Variants in TEX15 observed in about 807,000 individuals in gnomAD.
The protein encoded by TEX15 is testis expressed 15, meiosis and synapsis associated, also known as testis-expressed protein 15.
TEX15 carries 171 observed loss-of-function variants against 237.3 expected under a neutral mutation model. That is an observed-to-expected ratio of 0.72 (90% confidence interval 0.64 to 0.82). The LOEUF (loss-of-function observed/expected upper bound fraction) is 0.82. TEX15 is among the 40% of genes least tolerant of loss of function. The pLI, the probability that TEX15 is intolerant of heterozygous loss-of-function variation, is 0.00. For missense variants in TEX15, 3,750 were observed against 3,646.5 expected (o/e 1.03, Z -0.73); for synonymous variants, 1,338 against 1,269.8 (o/e 1.05, Z -1.14).
intron 5 of TEX15, among the ~76,000 whole-genome samples, chr8:30,865,626 G>T (rs536215918): frequency 6.6e-6 from 1 of 152,076 alleles, no homozygotes; most frequent in Non-Finnish European, 1.5e-5. Flanking sequence ...TCATACCAGC[G>T]ATGCAAGGAT....
chr8:30,849,975 T>C (rs150990039), intron 7 of TEX15, among the ~76,000 whole-genome samples: 1 of 152,178 alleles, frequency 6.6e-6, no homozygotes, highest in Admixed American at 6.5e-5. Flanking sequence ...AACAGCTCTC[T>C]TATATTAATT....
rs1807653800 is a variant in TEX15, at chr8:30,847,686, A to T, written c.2481T>A (p.Thr827=). The T allele has an allele frequency of 6.2e-7, 1 of 1,613,840 alleles. No individual in the cohort carries two copies. The highest frequency in any genetic ancestry group is 1.1e-5 in the South Asian group (1 of 91,076). ...CCTGACCCCTATCTTCAACATAAGCAGTTTCTTTATAGTCTCTCTGAATGT... is the reference window on the plus strand; with the variant it reads ...CCTGACCCCTATCTTCAACATAAGCTGTTTCTTTATAGTCTCTCTGAATGT... ...LENIQRDYKE[T]AYVEDRGQDH... Residue 827 remains threonine, a synonymous_variant, in exon 8 of 11, where the codon ACT becomes ACA. Coordinates refer to ENST00000643185, the MANE Select transcript of TEX15 (RefSeq NM_001350162.2).
chr8:30,887,445 T>A, intron 2 of TEX15, 134 bp from the exon 3 acceptor site: 1 of 889,544 alleles, frequency 1.1e-6, no homozygotes, highest in Non-Finnish European at 1.6e-6. Flanking sequence ...AAAGTTTCCA[T>A]CTCAATTTGC....
At chr8:30,862,011 G>A (rs1419228103) in intron 5 of TEX15, among the ~76,000 whole-genome samples, 1 of 152,026 alleles carries the variant, frequency 6.6e-6, no homozygotes, top group African/African-American at 2.4e-5. Flanking sequence ...ATAATATATA[G>A]GTTTACTGAG....
intron 1 of TEX15, among the ~76,000 whole-genome samples, chr8:30,905,734 C>CAAAAAAAAAAAA (rs34079195): frequency 4.1e-4 from 21 of 50,968 alleles, no homozygotes; most frequent in African/African-American, 1.0e-3. Flanking sequence ...ACAAAAAATA[C>CAAAAAAAAAAAA]AAAAAAAAAA....
chr8:30,886,194 C>T (rs1808642004), intron 3 of TEX15, among the ~76,000 whole-genome samples: 1 of 152,206 alleles, frequency 6.6e-6, no homozygotes, highest in Non-Finnish European at 1.5e-5. Flanking sequence ...TCTTTCACTT[C>T]AGCAAGACTT....
intron 1 of TEX15, among the ~76,000 whole-genome samples, chr8:30,910,930 G>A (rs554510807): frequency 9.2e-5 from 14 of 152,094 alleles, no homozygotes; most frequent in South Asian, 4.1e-4. Context: ...CAATAACAAA[G>A]CATTAAACGT....
At chr8:30,885,297 T>C (rs531967401) in intron 3 of TEX15, among the ~76,000 whole-genome samples, 3 of 152,234 alleles carry the variant, frequency 2.0e-5, no homozygotes, top group Middle Eastern at 3.4e-3. Flanking sequence ...GACTGAACTA[T>C]GGGGGCAAGT....
chr8:30,867,887 A>T (rs192487386), intron 4 of TEX15, among the ~76,000 whole-genome samples: 1 of 152,218 alleles, frequency 6.6e-6, no homozygotes, highest in East Asian at 1.9e-4. Flanking sequence ...CAGAAAGTTA[A>T]ATCTTGCCGA....
Position 30,842,943 on chromosome 8 carries a change from T to G in TEX15, c.7224A>C (p.Leu2408=), listed in dbSNP as rs1563232584. Residue 2408 remains leucine, a synonymous_variant, in exon 8 of 11, where the codon CTA becomes CTC. Coordinates refer to ENST00000643185, the MANE Select transcript of TEX15 (RefSeq NM_001350162.2). The stretch of plus-strand genomic sequence containing the variant: ...AAATATTATCCATGTTATTATCTTG[T>G]AGCATCTGAAAGTATTTTTTTAAAA... ...LEILKKYFQM[L]QDNNMDNIFI... The G allele has an allele frequency of 6.2e-7, 1 of 1,610,768 alleles. No homozygotes were observed. The highest frequency in any genetic ancestry group is 8.5e-7 in the Non-Finnish European group (1 of 1,178,702).
chr8:30,856,198 G>A (rs776183514), intron 7 of TEX15, among the ~76,000 whole-genome samples: 7 of 151,804 alleles, frequency 4.6e-5, no homozygotes, highest in Non-Finnish European at 8.8e-5. Context: ...CATCTGCCTC[G>A]GCCTCCCAAA....
chr8:30,839,784 A>T lies in TEX15; in HGVS notation c.8222+122T>A, dbSNP rs574005652. 1.4e-5 allele frequency: 8 copies of T among 557,084 alleles called. No individual in the cohort carries two copies. In the East Asian group the frequency reaches 1.8e-4, roughly 13 times the overall value. The allele number at this position is 557,084 out of a possible 1,614,324, so 34.5% of individuals were successfully genotyped here. On this transcript the variant is annotated intron_variant, in intron 9 of 10. Transcript: ENST00000643185. ...ATTTCTTTTTCCTTAGCTTACTCTC[A>T]TCCCCTAAGTTACATGTATGATCCA...
intron 3 of TEX15, among the ~76,000 whole-genome samples, chr8:30,876,161 T>G (rs1186279037): frequency 2.6e-5 from 4 of 152,170 alleles, no homozygotes; most frequent in African/African-American, 2.4e-5. Flanking sequence ...TTATGTAGAT[T>G]CTTCTGCCAA....
intron 5 of TEX15, among the ~76,000 whole-genome samples, chr8:30,865,014 C>T (rs1398613424): frequency 6.6e-6 from 1 of 151,556 alleles, no homozygotes; most frequent in Admixed American, 6.6e-5. Flanking sequence ...AACATACTAC[C>T]AGAGAAAATC....
At chr8:30,856,657 C>T (rs142529248) in intron 7 of TEX15, among the ~76,000 whole-genome samples, 1,982 of 152,166 alleles carry the variant, frequency 0.013, 19 homozygotes, top group Middle Eastern at 0.031. Flanking sequence ...TTTAAATCAA[C>T]TGAATTGACA....
intron 2 of TEX15, among the ~76,000 whole-genome samples, chr8:30,889,058 A>T (rs976416224): frequency 6.6e-6 from 1 of 152,258 alleles, no homozygotes; most frequent in Non-Finnish European, 1.5e-5. Flanking sequence ...CTATAAAAAC[A>T]TCTTCGATTA....
chr8:30,843,069 G>C lies in TEX15; in HGVS notation c.7098C>G (p.His2366Gln), dbSNP rs1343881461. The C allele has an allele frequency of 1.9e-6, 3 of 1,613,186 alleles. No homozygotes were observed. The highest frequency in any genetic ancestry group is 2.2e-5 in the East Asian group (1 of 44,832). The change falls in exon 8 of 11, where the codon CAC becomes CAG. Residue 2366 changes from histidine (H) to glutamine (Q), a missense_variant. His to Gln is a conservative substitution (Grantham distance 24, BLOSUM62 0). Transcript: ENST00000643185. ...NSKFNSNLLA[H>Q]PDICCISEIL... ...TCTCACTAATACAACAAATATCTGG[G>C]TGTGCAAGCAAATTACTGTTAAATT...
intron 3 of TEX15, among the ~76,000 whole-genome samples, chr8:30,879,822 T>G (rs765959532): frequency 4.6e-5 from 7 of 152,166 alleles, no homozygotes; most frequent in Non-Finnish European, 8.8e-5. Context: ...GGGATTTTGA[T>G]AGGAACTGCA....
chr8:30,861,750 C>T (rs983465481), intron 5 of TEX15, among the ~76,000 whole-genome samples: 17 of 152,126 alleles, frequency 1.1e-4, no homozygotes, highest in Admixed American at 5.2e-4. Context: ...AAATTAAAAA[C>T]GTGAAATGAT....
Sources: allele counts gnomAD v4.1 joint callset (sites outside exome capture counted in the v4.1 genomes callset), GRCh38; gene constraint gnomAD v4.1.1; transcripts MANE v1.5; gene names NCBI Gene and HGNC (gene_info 2026-07-23, HGNC 2026-07-21).